The following RBFOX1 variants were observed in gnomAD, a reference collection of about 807,000 sequenced individuals.
The protein encoded by RBFOX1 is RNA binding protein fox-1 homolog 1.
Under a neutral mutation model 57.7 loss-of-function variants are expected in RBFOX1, and 8 were observed. The observed-to-expected ratio is 0.14, with a 90% CI of 0.08 to 0.25. RBFOX1 has a LOEUF of 0.25. Ranked by LOEUF, RBFOX1 falls within the 10% of genes least tolerant of loss-of-function variation. The probability of loss-of-function intolerance (pLI) is 1.00; values close to 1 mark genes in which losing one functional copy is unlikely to be tolerated. For missense variants in RBFOX1, 611 were observed against 548.5 expected, an observed-to-expected ratio of 1.11 and a Z score of -1.14; for synonymous variants, 326 against 222.4, an observed-to-expected ratio of 1.47 and a Z score of -4.15.
At chr16:5,975,209 C>T (rs751511694) in intron 4 of RBFOX1, among the ~76,000 whole-genome samples, 2 of 152,118 alleles carry the variant, frequency 1.3e-5, no homozygotes, top group Non-Finnish European at 2.9e-5. Context: ...TCGATGCCGG[C>T]TTGGGATGGC....
At chr16:5,461,081 G>T (rs986712002) in intron 1 of RBFOX1, among the ~76,000 whole-genome samples, 1 of 152,170 alleles carries the variant, frequency 6.6e-6, no homozygotes, top group African/African-American at 2.4e-5. Flanking sequence ...GGCTCCTGCA[G>T]TTTTGCATTC....
intron 14 of RBFOX1, among the ~76,000 whole-genome samples, chr16:7,682,667 C>T (rs1481949010): frequency 6.6e-6 from 1 of 151,270 alleles, no homozygotes; most frequent in South Asian, 2.1e-4. Context: ...AAATGAGTCA[C>T]TCATGCCTTT....
intron 2 of RBFOX1, among the ~76,000 whole-genome samples, chr16:6,635,308 G>A (rs928898440): frequency 6.6e-6 from 1 of 151,856 alleles, no homozygotes; most frequent in Non-Finnish European, 1.5e-5. Context: ...CTGAGTAGCT[G>A]ATAACTTCAT....
chr16:6,250,509 C>T lies in RBFOX1; in HGVS notation c.-126-66486C>T, dbSNP rs17817916. ...AGTACATGGCTTGGCAATGTATTTT[C>T]TGTAGGAAGATGTCCCCTTAGCTCC... On this transcript the variant is annotated intron_variant, in intron 1 of 15. Coordinates refer to ENST00000550418, the MANE Select transcript of RBFOX1 (RefSeq NM_018723.4). 8.3e-3 allele frequency among the ~76,000 whole-genome samples: 1,261 copies of T among 152,240 alleles called. 8 individuals carry two copies. The highest frequency in any genetic ancestry group is 0.024 in the South Asian group (116 of 4,812).
At chr16:6,639,685 G>T (rs2098471522) in intron 2 of RBFOX1, among the ~76,000 whole-genome samples, 1 of 152,030 alleles carries the variant, frequency 6.6e-6, no homozygotes. Flanking sequence ...GACCATCCTG[G>T]CTAACATGAT....
Position 7,018,636 on chromosome 16 carries a change from C to T in RBFOX1, c.-15-33421C>T, listed in dbSNP as rs188237861. Among the ~76,000 whole-genome samples, 4 of 152,182 alleles carry T rather than the reference C, an allele frequency of 2.6e-5. No individual in the cohort carries two copies. In the East Asian group the frequency reaches 7.8e-4, roughly 30 times the overall value. The stretch of plus-strand genomic sequence containing the variant: ...TCAAATGTTATTTCTAGTTCTAGAT[C>T]CTTGAGGAATTGCCACACTGTGTTC... On this transcript the variant is annotated intron_variant, in intron 3 of 15. Transcript: ENST00000550418.
intron 2 of RBFOX1, among the ~76,000 whole-genome samples, chr16:6,474,420 A>G (rs1033327483): frequency 1.1e-4 from 16 of 152,234 alleles, no homozygotes; most frequent in Non-Finnish European, 1.3e-4. Flanking sequence ...AGGCACTTAA[A>G]GAATTTTCAC....
intron 3 of RBFOX1, among the ~76,000 whole-genome samples, chr16:6,988,824 T>G (rs1379663240): frequency 1.3e-5 from 2 of 150,998 alleles, no homozygotes; most frequent in African/African-American, 4.9e-5. Context: ...CAGGCTGGAG[T>G]GCAATGGCAT....
chr16:7,031,072 G>T (rs1212429911), intron 3 of RBFOX1, among the ~76,000 whole-genome samples: 1 of 152,186 alleles, frequency 6.6e-6, no homozygotes, highest in Non-Finnish European at 1.5e-5. Flanking sequence ...TTCTTCCAAG[G>T]AGGGTAGCCA....
chr16:7,112,307 A>G (rs1231274100), intron 4 of RBFOX1, among the ~76,000 whole-genome samples: 2 of 151,734 alleles, frequency 1.3e-5, no homozygotes, highest in Non-Finnish European at 2.9e-5. Context: ...GGTTCAAGTG[A>G]TCCTCCAGCC....
intron 2 of RBFOX1, among the ~76,000 whole-genome samples, chr16:6,458,789 T>C (rs969901937): frequency 2.0e-5 from 3 of 152,178 alleles, no homozygotes; most frequent in African/African-American, 7.2e-5. Context: ...GCATGTAAAA[T>C]GCATGTGGAT....
At chr16:5,550,362 C>G (rs2045413425) in intron 2 of RBFOX1, among the ~76,000 whole-genome samples, 1 of 152,160 alleles carries the variant, frequency 6.6e-6, no homozygotes, top group Non-Finnish European at 1.5e-5. Flanking sequence ...ATGGAAGGAA[C>G]TGGAAAGGCA....
Position 7,082,866 on chromosome 16 carries a change from C to A in RBFOX1, c.27+30768C>A, listed in dbSNP as rs567084637. ...ATTAATTATTGTGTTGAGTTGATAA[C>A]TGATAACTGGATTAATTATTTTAAA... On this transcript the variant is annotated intron_variant, in intron 4 of 15. Transcript: ENST00000550418. 2.2e-4 allele frequency among the ~76,000 whole-genome samples: 33 copies of A among 152,268 alleles called. 1 individual carries two copies. The highest frequency in any genetic ancestry group is 7.7e-4 in the African/African-American group (32 of 41,558).
intron 14 of RBFOX1, among the ~76,000 whole-genome samples, chr16:7,700,142 A>T (rs972432871): frequency 1.3e-5 from 2 of 152,126 alleles, no homozygotes; most frequent in Non-Finnish European, 2.9e-5. Context: ...ACTTTGGATC[A>T]TCAATCCAAT....
chr16:5,817,915 C>T (rs897290551), intron 3 of RBFOX1, among the ~76,000 whole-genome samples: 2 of 151,982 alleles, frequency 1.3e-5, no homozygotes, highest in African/African-American at 2.4e-5. Flanking sequence ...TGGTCTCGAT[C>T]TCCTGACCTC....
chr16:5,404,526 G>T (rs1168262908), intron 1 of RBFOX1, among the ~76,000 whole-genome samples: 1 of 152,212 alleles, frequency 6.6e-6, no homozygotes. Flanking sequence ...AATTGAGTGT[G>T]AAGGTAACTG....
chr16:7,698,912 C>T (rs1035364572), intron 14 of RBFOX1, among the ~76,000 whole-genome samples: 5 of 152,034 alleles, frequency 3.3e-5, no homozygotes, highest in African/African-American at 1.2e-4. Flanking sequence ...TTAAAGATGT[C>T]TAGATAGTCT....
In RBFOX1 at chr16:6,123,891, C is replaced by T. The variant is rs1375832481; in HGVS notation, c.-127+103899C>T. Among the ~76,000 whole-genome samples, 5 of 151,926 alleles carry T rather than the reference C, an allele frequency of 3.3e-5. No individual in the cohort carries two copies. In the East Asian group the frequency reaches 7.7e-4, roughly 23 times the overall value. On this transcript the variant is annotated intron_variant, in intron 1 of 15. Transcript: ENST00000550418. Reference sequence around the variant, plus strand: ...CTGCCTGGGCAACAGAGCGAGACTCCCTCAAAAAAAGAATAGCTAAAAGGT... The same window carrying T: ...CTGCCTGGGCAACAGAGCGAGACTCTCTCAAAAAAAGAATAGCTAAAAGGT...
chr16:6,719,463 C>G (rs1186892238), intron 3 of RBFOX1, among the ~76,000 whole-genome samples: 1 of 149,102 alleles, frequency 6.7e-6, no homozygotes, highest in Non-Finnish European at 1.5e-5. Flanking sequence ...TTTTTTGAGA[C>G]AGAGTCTTGC....
Sources: allele counts gnomAD v4.1 joint callset (sites outside exome capture counted in the v4.1 genomes callset), GRCh38; gene constraint gnomAD v4.1.1; transcripts MANE v1.5; gene names NCBI Gene and HGNC (gene_info 2026-07-23, HGNC 2026-07-21).